Variants in USH2A observed in about 807,000 individuals in gnomAD.
The protein encoded by USH2A is usherin.
USH2A carries 443 observed loss-of-function variants against 538.9 expected under a neutral mutation model. The observed-to-expected ratio is 0.82, with a 90% CI of 0.76 to 0.89. The LOEUF is 0.89. USH2A is among the 40% of genes least tolerant of loss of function. The pLI, the probability that USH2A is intolerant of heterozygous loss-of-function variation, is 0.00. For missense variants in USH2A, 6,633 were observed against 6,324.8 expected (o/e 1.05, Z -1.65); for synonymous variants, 2,413 against 2,273.5 (o/e 1.06, Z -1.75).
chr1:215,878,216 G>T (rs1240315671), intron 42 of USH2A, among the ~76,000 whole-genome samples: 1 of 152,056 alleles, frequency 6.6e-6, no homozygotes, highest in African/African-American at 2.4e-5. Context: ...CAAGTTAATG[G>T]TTTCCTATGA....
Position 215,934,760 on chromosome 1 carries a change from C to A in USH2A, c.7156G>T (p.Val2386Phe), listed in dbSNP as rs199825458. Residue 2386 changes from valine (V) to phenylalanine (F), a missense_variant, in exon 38 of 72, where the codon GTC becomes TTC. By Grantham distance (50) the Val-to-Phe change is conservative (BLOSUM62 -1). Transcript: ENST00000307340. ...NNYTLLNVTK[V>F]MYSGEETNLW... ...TTTGTCTCTTCTCCGCTGTACATGACTTTTGTGACATTCAGAAGGGTGTAG... is the reference window on the plus strand; with the variant it reads ...TTTGTCTCTTCTCCGCTGTACATGAATTTTGTGACATTCAGAAGGGTGTAG... 56 of 1,612,508 alleles carry A rather than the reference C, an allele frequency of 3.5e-5. No homozygotes were observed. The highest frequency in any genetic ancestry group is 4.7e-5 in the Non-Finnish European group (56 of 1,178,958).
chr1:216,139,818 G>A (rs2033565825), intron 21 of USH2A, among the ~76,000 whole-genome samples: 1 of 152,062 alleles, frequency 6.6e-6, no homozygotes, highest in African/African-American at 2.4e-5. Flanking sequence ...CCAATTTTGG[G>A]AACTTGTCTG....
chr1:215,968,426 C>G (rs762007151), intron 36 of USH2A, among the ~76,000 whole-genome samples: 1 of 151,708 alleles, frequency 6.6e-6, no homozygotes, highest in Non-Finnish European at 1.5e-5. Context: ...TAAATAATAG[C>G]TAACAAACTG....
At chr1:215,899,082 G>T (rs940792372) in intron 40 of USH2A, among the ~76,000 whole-genome samples, 1 of 152,146 alleles carries the variant, frequency 6.6e-6, no homozygotes, top group African/African-American at 2.4e-5. Context: ...AGATTGTACT[G>T]ATAATGTCTA....
intron 37 of USH2A, among the ~76,000 whole-genome samples, chr1:215,943,213 T>C (rs1434765826): frequency 1.3e-5 from 2 of 151,966 alleles, no homozygotes; most frequent in South Asian, 2.1e-4. Flanking sequence ...AAAGAAAGGA[T>C]TGTAACATAA....
rs963571656 is a variant in USH2A at position 216,166,230 on chromosome 1, G to A, written c.4627+9022C>T. On this transcript the variant is annotated intron_variant, in intron 21 of 71. Transcript: ENST00000307340. ...GCAATTAGCCAGGTGAAAGGAAAGCGAAGTACTTGCAAATAGATGAGGGCA... is the reference window on the plus strand; with the variant it reads ...GCAATTAGCCAGGTGAAAGGAAAGCAAAGTACTTGCAAATAGATGAGGGCA... 2.0e-5 allele frequency among the ~76,000 whole-genome samples: 3 copies of A among 151,992 alleles called. No homozygotes were observed. The East Asian group carries it at 5.8e-4, about 29-fold the overall frequency.
chr1:216,071,350 T>C (rs1056719210), intron 29 of USH2A, among the ~76,000 whole-genome samples: 3 of 152,060 alleles, frequency 2.0e-5, no homozygotes, highest in African/African-American at 7.2e-5. Context: ...CAGACACCTA[T>C]AGAAAACACA....
chr1:215,987,039 TTA>T (rs1667887926), intron 35 of USH2A, among the ~76,000 whole-genome samples: 2 of 152,158 alleles, frequency 1.3e-5, no homozygotes, highest in African/African-American at 4.8e-5. Flanking sequence ...TTCTATATTT[TTA>T]GTTAGTATTT....
chr1:215,821,490 A>G (rs1463018766), intron 47 of USH2A, among the ~76,000 whole-genome samples: 1 of 151,600 alleles, frequency 6.6e-6, no homozygotes, highest in African/African-American at 2.4e-5. Flanking sequence ...TGTTTAAGCT[A>G]TTTATATATC....
At chr1:216,007,426 T>C (rs1048514057) in intron 32 of USH2A, among the ~76,000 whole-genome samples, 2 of 152,024 alleles carry the variant, frequency 1.3e-5, no homozygotes, top group Admixed American at 6.6e-5. Context: ...TCAGATATAA[T>C]GTTGGGAGAA....
At chr1:215,644,428 A>T (rs1037289380) in intron 67 of USH2A, among the ~76,000 whole-genome samples, 1 of 152,106 alleles carries the variant, frequency 6.6e-6, no homozygotes, top group Non-Finnish European at 1.5e-5. Context: ...GAGCAGATGA[A>T]CTCACCTGAT....
intron 32 of USH2A, among the ~76,000 whole-genome samples, chr1:216,037,790 A>C (rs1310090888): frequency 6.8e-6 from 1 of 147,798 alleles, no homozygotes; most frequent in Non-Finnish European, 1.5e-5. Flanking sequence ...CCCAGGTATT[A>C]AGTCTAGTAC....
chr1:215,865,348 G>A (rs1664441751), intron 44 of USH2A, among the ~76,000 whole-genome samples: 1 of 152,146 alleles, frequency 6.6e-6, no homozygotes, highest in Non-Finnish European at 1.5e-5. Context: ...GATTACCAAG[G>A]TAATGAAACT....
chr1:215,853,209 G>C (rs1163305560), intron 44 of USH2A, among the ~76,000 whole-genome samples: 1 of 152,198 alleles, frequency 6.6e-6, no homozygotes, highest in African/African-American at 2.4e-5. Flanking sequence ...TGCACTGGTA[G>C]GCTCAACATC....
rs1185418025 is a variant in USH2A at position 216,231,201 on chromosome 1, G to A, written c.2993+752C>T. 6.8e-5 allele frequency among the ~76,000 whole-genome samples: 6 copies of A among 88,798 alleles called. No individual in the cohort carries two copies. In the South Asian group the frequency reaches 1.2e-3, roughly 18 times the overall value. The allele number at this position is 88,798 out of a possible 152,430, so 58.3% of individuals were successfully genotyped here. ...CTAATAAATATGCAATAAATTCAAG[G>A]GCAATGAAGAACAAAGCACATACAT... On this transcript the variant is annotated intron_variant, in intron 14 of 71. Coordinates refer to ENST00000307340, the MANE Select transcript of USH2A (RefSeq NM_206933.4).
chr1:216,006,467 T>C (rs1262720203), intron 32 of USH2A, among the ~76,000 whole-genome samples: 2 of 152,222 alleles, frequency 1.3e-5, no homozygotes, highest in African/African-American at 4.8e-5. Flanking sequence ...TCCTCTTCTA[T>C]ATGGCTATCC....
chr1:215,843,554 G>T (rs920744325), intron 46 of USH2A, among the ~76,000 whole-genome samples: 1 of 152,076 alleles, frequency 6.6e-6, no homozygotes, highest in Non-Finnish European at 1.5e-5. Flanking sequence ...GAAATTATGT[G>T]TTAAATTTTG....
At chr1:216,112,720 T>C (rs904477237) in intron 21 of USH2A, among the ~76,000 whole-genome samples, 10 of 152,142 alleles carry the variant, frequency 6.6e-5, no homozygotes, top group Non-Finnish European at 4.4e-5. Flanking sequence ...TTTAGATTTC[T>C]GTTCCTGCAT....
At position 215,912,512 on chromosome 1, in the gene USH2A, C is replaced by CATAT. The variant is rs1665832241; in HGVS notation, c.7301-11608_7301-11607insATAT. ...ATATGTGTATATATATATATATATA[C>CATAT]GTGTATATATATATATATATATATG... On this transcript the variant is annotated intron_variant, in intron 38 of 71. Coordinates refer to ENST00000307340, the MANE Select transcript of USH2A (RefSeq NM_206933.4). 3.3e-4 allele frequency among the ~76,000 whole-genome samples: 15 copies of CATAT among 45,264 alleles called. No homozygotes were observed. In the East Asian group the frequency reaches 0.018, roughly 54 times the overall value. The allele number at this position is 45,264 out of a possible 152,430, so 29.7% of individuals were successfully genotyped here. A position where few individuals can be genotyped will look rare whatever the true frequency, so the allele number is the denominator to read the frequency against.
Sources: gnomAD v4.1 joint callset for allele counts (sites outside exome capture counted in the v4.1 genomes callset) on GRCh38, gnomAD v4.1.1 for gene constraint, MANE v1.5 for transcripts, NCBI Gene and HGNC (gene_info 2026-07-23, HGNC 2026-07-21) for gene names.